RAD54B: variants seen among roughly 807,000 people sequenced by gnomAD.
The protein encoded by RAD54B is RAD54 homolog B.
Under a neutral mutation model 95.8 loss-of-function variants are expected in RAD54B, and 78 were observed. The ratio of observed to expected loss-of-function variants is 0.81; its 90% CI spans 0.68 to 0.98. RAD54B has a LOEUF of 0.98. RAD54B is among the 50% of genes least tolerant of loss of function. The pLI, the probability that RAD54B is intolerant of heterozygous loss-of-function variation, is 0.00. For missense variants in RAD54B, 957 were observed against 1,056.6 expected, an observed-to-expected ratio of 0.91 and a Z score of 1.31; for synonymous variants, 328 against 354.9, an observed-to-expected ratio of 0.92 and a Z score of 0.85.
At chr8:94,407,844 G>A in intron 4 of RAD54B, 124 bp from the exon 5 acceptor site, 5 of 632,744 alleles carry the variant, frequency 7.9e-6, no homozygotes, top group South Asian at 3.9e-5. Context: ...AGCCAAAATG[G>A]AAGCATAATT....
chr8:94,403,951 C>T, intron 6 of RAD54B, 126 bp downstream of exon 6: 1 of 772,856 alleles, frequency 1.3e-6, no homozygotes, highest in African/African-American at 1.8e-5. Context: ...TTCACCTTTC[C>T]TACCAATTGA....
chr8:94,429,176 C>T (rs1812020640), intron 3 of RAD54B: 1 of 899,220 alleles, frequency 1.1e-6, no homozygotes, highest in Non-Finnish European at 1.3e-6. Flanking sequence ...TTATTGTATA[C>T]AGCCCCTAAA....
chr8:94,428,796 A>T, intron 3 of RAD54B: 1 of 985,334 alleles, frequency 1.0e-6, no homozygotes, highest in Non-Finnish European at 1.2e-6. Flanking sequence ...TGTCCTCAAC[A>T]AAAACTGCTA....
At chr8:94,402,276 C>G (rs975242185) in intron 6 of RAD54B, among the ~76,000 whole-genome samples, 2 of 148,528 alleles carry the variant, frequency 1.3e-5, no homozygotes, top group South Asian at 4.2e-4. Flanking sequence ...CCTCTCCAGA[C>G]GGAGTCTTGC....
chr8:94,398,579 C>G (rs1223181967), intron 8 of RAD54B, among the ~76,000 whole-genome samples: 3 of 152,036 alleles, frequency 2.0e-5, no homozygotes, highest in African/African-American at 7.2e-5. Flanking sequence ...TAATCATATC[C>G]TGACCATTCC....
At chr8:94,471,925 G>C (rs189549149) in intron 1 of RAD54B, among the ~76,000 whole-genome samples, 1 of 151,712 alleles carries the variant, frequency 6.6e-6, no homozygotes, top group Non-Finnish European at 1.5e-5. Flanking sequence ...TAAATTGTAA[G>C]ATGTACCATT....
chr8:94,432,843 TACTC>T (rs1005235247), intron 3 of RAD54B, among the ~76,000 whole-genome samples: 1 of 152,092 alleles, frequency 6.6e-6, no homozygotes, highest in Non-Finnish European at 1.5e-5. Flanking sequence ...CAATAATACA[TACTC>T]ACAGATCTCC....
chr8:94,432,119 T>TG, intron 3 of RAD54B: 1 of 1,511,038 alleles, frequency 6.6e-7, no homozygotes, highest in Non-Finnish European at 8.8e-7. Context: ...ATTGCAAGAT[T>TG]GAAAAAAAAA....
chr8:94,450,402 A>G (rs1056898360), intron 3 of RAD54B, among the ~76,000 whole-genome samples: 9 of 152,210 alleles, frequency 5.9e-5, no homozygotes, highest in African/African-American at 2.2e-4. Flanking sequence ...AGGTACTTGG[A>G]AAGAGACTGA....
At chr8:94,408,879 TA>T (rs1811456201) in intron 4 of RAD54B, among the ~76,000 whole-genome samples, 1 of 152,222 alleles carries the variant, frequency 6.6e-6, no homozygotes. Flanking sequence ...AAAGTAGCTC[TA>T]ATTCCAAGAT....
intron 3 of RAD54B, chr8:94,430,960 T>C: frequency 1.0e-6 from 1 of 985,364 alleles, no homozygotes; most frequent in Non-Finnish European, 1.2e-6. Flanking sequence ...TTTCCCATTC[T>C]TTTGTCTTTT....
At chr8:94,380,505 G>C (rs931558820) in intron 11 of RAD54B, 99 bp from the exon 12 acceptor site, 19 of 1,183,730 alleles carry the variant, frequency 1.6e-5, no homozygotes, top group Non-Finnish European at 2.1e-5. Flanking sequence ...CACTGACATT[G>C]AGAGAACATG....
chr8:94,423,719 C>T (rs1811876172), intron 3 of RAD54B, among the ~76,000 whole-genome samples: 1 of 152,198 alleles, frequency 6.6e-6, no homozygotes. Context: ...TTAGCATTAA[C>T]AAAAGACAGA....
At chr8:94,457,202 A>G (rs1188611715) in intron 3 of RAD54B, among the ~76,000 whole-genome samples, 1 of 152,206 alleles carries the variant, frequency 6.6e-6, no homozygotes, top group Non-Finnish European at 1.5e-5. Flanking sequence ...AAAACAGAAT[A>G]GTCACCTAAC....
intron 3 of RAD54B, among the ~76,000 whole-genome samples, chr8:94,442,567 T>G (rs1050097971): frequency 7.3e-6 from 1 of 137,082 alleles, no homozygotes; most frequent in African/African-American, 2.8e-5. Flanking sequence ...AGAGCGAGAC[T>G]CTGTCTCAGA....
chr8:94,397,460 CA>C (rs1458899764), intron 8 of RAD54B, among the ~76,000 whole-genome samples: 2 of 151,988 alleles, frequency 1.3e-5, no homozygotes, highest in African/African-American at 4.8e-5. Flanking sequence ...CTAAGATTGA[CA>C]AAGGATACAG....
chr8:94,463,890 T>A (rs1586041900), intron 2 of RAD54B, among the ~76,000 whole-genome samples: 2 of 73,754 alleles, frequency 2.7e-5, no homozygotes, highest in African/African-American at 6.0e-5. Flanking sequence ...CAAGACCCTA[T>A]CTCAAAAAAA....
chr8:94,451,927 T>C (rs1812664039), intron 3 of RAD54B, among the ~76,000 whole-genome samples: 1 of 152,260 alleles, frequency 6.6e-6, no homozygotes, highest in Non-Finnish European at 1.5e-5. Flanking sequence ...TCTTAGTCCA[T>C]TCAGGCCGCT....
intron 3 of RAD54B, among the ~76,000 whole-genome samples, chr8:94,446,094 G>A (rs1812513641): frequency 1.3e-5 from 2 of 152,110 alleles, no homozygotes; most frequent in South Asian, 4.1e-4. Context: ...AACATAGCAA[G>A]TAGTGTATTT....
Sources: gnomAD v4.1 joint callset for allele counts (sites outside exome capture counted in the v4.1 genomes callset) on GRCh38, gnomAD v4.1.1 for gene constraint, MANE v1.5 for transcripts, NCBI Gene and HGNC (gene_info 2026-07-23, HGNC 2026-07-21) for gene names.